Variants in TNIP1 observed in about 807,000 individuals in gnomAD.
TNIP1 encodes the protein TNFAIP3 interacting protein 1.
A neutral mutation model predicts 86.6 loss-of-function variants in TNIP1; 22 were observed. The observed-to-expected ratio is 0.25, with a 90% CI of 0.18 to 0.36. The LOEUF (loss-of-function observed/expected upper bound fraction) is 0.36, where lower values mean the gene tolerates loss of function less well. Ranked by LOEUF, TNIP1 falls within the 10% of genes least tolerant of loss-of-function variation. The pLI is 1.00. For missense variants in TNIP1, 709 were observed against 820.6 expected, an observed-to-expected ratio of 0.86 and a Z score of 1.66; for synonymous variants, 294 against 313.0, an observed-to-expected ratio of 0.94 and a Z score of 0.64.
At chr5:151,072,619 C>T (rs1160078941) in intron 1 of TNIP1, among the ~76,000 whole-genome samples, 6 of 152,186 alleles carry the variant, frequency 3.9e-5, no homozygotes, top group African/African-American at 1.4e-4. Context: ...GCCCTGAGGA[C>T]ATTTGGAACC....
In TNIP1 at chr5:151,080,958, G is replaced by T. The variant is rs952325390; in HGVS notation, c.-115C>A. Reference sequence around the variant, plus strand: ...AATCCAGGGACGGGGCAGCGGCCCGGGCAAGGCTCCGGCCCCCCGTAGCAC... The same window carrying T: ...AATCCAGGGACGGGGCAGCGGCCCGTGCAAGGCTCCGGCCCCCCGTAGCAC... On this transcript the variant is annotated 5_prime_UTR_variant, in exon 1 of 18. Transcript: ENST00000521591. 6.6e-6 allele frequency: 1 copy of T among 152,138 alleles called. No homozygotes were observed. The highest frequency in any genetic ancestry group is 1.5e-5 in the Non-Finnish European group (1 of 68,032). 9.4% of individuals were successfully genotyped at this position (152,138 alleles called of 1,614,324 possible). A position where few individuals can be genotyped will look rare whatever the true frequency, so the allele number is the denominator to read the frequency against.
At chr5:151,053,099 CTCTTT>C in intron 6 of TNIP1, among the ~76,000 whole-genome samples, 1 of 104,524 alleles carries the variant, frequency 9.6e-6, no homozygotes, top group Non-Finnish European at 1.9e-5. Flanking sequence ...ACAACTGTTT[CTCTTT>C]TTTTTTTTTT....
chr5:151,030,320 T>C lies in TNIP1; in HGVS notation c.*393A>G, dbSNP rs1213123067. The C allele has an allele frequency of 7.6e-6, 3 of 396,784 alleles. No individual in the cohort carries two copies. Among genetic ancestry groups the C allele is most frequent in the Admixed American group, 3.4e-5 (1 of 29,812 alleles). 24.6% of individuals were successfully genotyped at this position (396,784 alleles called of 1,614,324 possible). On this transcript the variant is annotated 3_prime_UTR_variant, in exon 18 of 18. Transcript: ENST00000521591. ...AGCAAAAATTAAACACACACACAAA[T>C]TGGTCATGGCAACTAGAGGGCCTGA...
intron 4 of TNIP1, among the ~76,000 whole-genome samples, chr5:151,061,770 G>A (rs567457542): frequency 8.5e-5 from 13 of 152,310 alleles, no homozygotes; most frequent in East Asian, 5.8e-4. Flanking sequence ...GAGCCACTGC[G>A]CCCAGCCTGT....
chr5:151,043,004 G>A (rs758483442), intron 9 of TNIP1, 43 bp from the exon 10 acceptor site: 10 of 1,605,266 alleles, frequency 6.2e-6, no homozygotes, highest in Non-Finnish European at 8.5e-6. Flanking sequence ...AGCAGAGAAG[G>A]AACAAGGAGA....
intron 3 of TNIP1, among the ~76,000 whole-genome samples, chr5:151,063,321 G>T (rs940334593): frequency 6.6e-6 from 1 of 152,174 alleles, no homozygotes; most frequent in Admixed American, 6.5e-5. Context: ...TGCTGATAAA[G>T]ACCCCAAGGC....
chr5:151,043,461 T>A (rs145506538), intron 9 of TNIP1, among the ~76,000 whole-genome samples: 1 of 152,100 alleles, frequency 6.6e-6, no homozygotes, highest in Non-Finnish European at 1.5e-5. Flanking sequence ...AAACAGACAA[T>A]GTGCAGCTGT....
In TNIP1 at chr5:151,032,337, T is replaced by C; in HGVS notation, c.1826A>G (p.Asn609Ser). 1 of 1,614,118 alleles carries C rather than the reference T, an allele frequency of 6.2e-7. No individual in the cohort carries two copies. Among genetic ancestry groups the C allele is most frequent in the Non-Finnish European group, 8.5e-7 (1 of 1,180,002 alleles). The change falls in exon 17 of 18, where the codon AAT (asparagine) becomes AGT (serine). Residue 609 changes from asparagine to serine, a missense_variant. By Grantham distance (46) the Asn-to-Ser change is conservative. Coordinates refer to ENST00000521591, the MANE Select transcript of TNIP1 (RefSeq NM_006058.5). Reference protein sequence around the residue: ...RLPCGGVRNPNQSSQVMDPPT... With the variant: ...RLPCGGVRNPSQSSQVMDPPT... ...AGGGTCCATCACTTGGGAGCTCTGA[T>C]TTGGATTTCGAACCCCTCCACAGGG...
intron 11 of TNIP1, among the ~76,000 whole-genome samples, chr5:151,039,749 T>C (rs1349651798): frequency 1.3e-5 from 2 of 152,210 alleles, no homozygotes; most frequent in South Asian, 2.1e-4. Flanking sequence ...CTGCAGCTCA[T>C]ACAGCCTTGG....
At chr5:151,032,592 G>A (rs910387562) in intron 16 of TNIP1, 2 of 592,204 alleles carry the variant, frequency 3.4e-6, no homozygotes, top group Non-Finnish European at 6.0e-6. Context: ...GAATGGCTAA[G>A]CTTGGATTTG....
At chr5:151,036,656 G>T in intron 13 of TNIP1, 134 bp downstream of exon 13, 1 of 1,336,360 alleles carries the variant, frequency 7.5e-7, no homozygotes, top group Non-Finnish European at 1.0e-6. Flanking sequence ...TAGAGCCAGT[G>T]GGGGGCCCTG....
At chr5:151,053,404 C>T (rs1760223591) in intron 6 of TNIP1, among the ~76,000 whole-genome samples, 1 of 152,220 alleles carries the variant, frequency 6.6e-6, no homozygotes, top group Non-Finnish European at 1.5e-5. Flanking sequence ...GCCACCACAC[C>T]TAGCCCAGGG....
chr5:151,081,768 A>C (rs768198646), upstream of TNIP1, among the ~76,000 whole-genome samples: 11 of 152,198 alleles, frequency 7.2e-5, no homozygotes, highest in South Asian at 2.1e-4. Flanking sequence ...GGGTGGGCAA[A>C]TCCAGAGGCC....
intron 1 of TNIP1, among the ~76,000 whole-genome samples, chr5:151,067,685 T>C (rs965423043): frequency 6.6e-6 from 1 of 151,828 alleles, no homozygotes; most frequent in African/African-American, 2.4e-5. Context: ...GTCCATCCTG[T>C]GTGCCAGGGT....
At chr5:151,063,824 A>G in intron 2 of TNIP1, 77 bp from the exon 3 acceptor site, 1 of 1,554,698 alleles carries the variant, frequency 6.4e-7, no homozygotes, top group African/African-American at 1.4e-5. Flanking sequence ...CAGGCCCCTA[A>G]CCGTGCTGCC....
At chr5:151,042,767 G>T in intron 10 of TNIP1, 96 bp from the exon 11 acceptor site, 2 of 1,594,332 alleles carry the variant, frequency 1.3e-6, no homozygotes, top group African/African-American at 2.7e-5. Flanking sequence ...CTCCAACACT[G>T]CCCCCAACTT....
At chr5:151,038,678 G>C (rs958005587) in intron 12 of TNIP1, among the ~76,000 whole-genome samples, 7 of 152,172 alleles carry the variant, frequency 4.6e-5, no homozygotes, top group Non-Finnish European at 1.0e-4. Flanking sequence ...CTTGGTGAAA[G>C]TATGCACCTC....
At chr5:151,072,971 C>A (rs534550536) in intron 1 of TNIP1, among the ~76,000 whole-genome samples, 1 of 152,236 alleles carries the variant, frequency 6.6e-6, no homozygotes, top group South Asian at 2.1e-4. Context: ...CCTGTAATTC[C>A]AGCACTTTGG....
chr5:151,082,451 G>T (rs573258287), upstream of TNIP1, among the ~76,000 whole-genome samples: 2 of 152,238 alleles, frequency 1.3e-5, no homozygotes, highest in South Asian at 2.1e-4. Context: ...CCCAGGCATC[G>T]TCTCCACCCA....
Sources: gnomAD v4.1 joint callset for allele counts (sites outside exome capture counted in the v4.1 genomes callset) on GRCh38, gnomAD v4.1.1 for gene constraint, MANE v1.5 for transcripts, NCBI Gene and HGNC (gene_info 2026-07-23, HGNC 2026-07-21) for gene names.